Variants in GRIN2B observed in about 807,000 individuals in gnomAD.
GRIN2B encodes the protein glutamate ionotropic receptor NMDA type subunit 2B, also known as glutamate receptor ionotropic, NMDA 2B.
Under a neutral mutation model 114.5 loss-of-function variants are expected in GRIN2B, and 5 were observed. The observed-to-expected ratio is 0.04, with a 90% confidence interval of 0.02 to 0.09. GRIN2B has a LOEUF of 0.09. Ranked by LOEUF, GRIN2B falls within the 10% of genes least tolerant of loss-of-function variation. GRIN2B has a pLI of 1.00. For missense variants in GRIN2B, 1,108 were observed against 1,943.5 expected (o/e 0.57, Z 8.08); for synonymous variants, 787 against 745.1 (o/e 1.06, Z -0.92).
chr12:13,719,095 T>G (rs529992078), intron 4 of GRIN2B, among the ~76,000 whole-genome samples: 8 of 152,082 alleles, frequency 5.3e-5, no homozygotes, highest in African/African-American at 1.9e-4. Context: ...TCTCACTCAG[T>G]TAACTCATCA....
chr12:13,878,453 A>C (rs2136761872), intron 2 of GRIN2B, among the ~76,000 whole-genome samples: 1 of 152,278 alleles, frequency 6.6e-6, no homozygotes, highest in Non-Finnish European at 1.5e-5. Context: ...ATGCCAGTTC[A>C]TTTCTTGTGG....
rs199570238 is a variant in GRIN2B at position 13,562,918 on chromosome 12, G to T, written c.4320C>A (p.Ala1440=). The part of the protein sequence containing the change: ...VVSALHGAVP[A]RFQKDICIGN... ...CTATACAGATGTCCTTCTGGAAACG[G>T]GCTGGCACGGCCCCATGAAGGGCCG... The change falls in exon 14 of 14, where the codon GCC becomes GCA. Residue 1440 remains alanine (A), a synonymous_variant. Coordinates refer to ENST00000609686, the MANE Select transcript of GRIN2B (RefSeq NM_000834.5). The T allele has an allele frequency of 6.2e-7, 1 of 1,614,228 alleles. No individual in the cohort carries two copies. The highest frequency in any genetic ancestry group is 1.3e-5 in the African/African-American group (1 of 75,060).
At chr12:13,685,357 T>C (rs1950167563) in intron 4 of GRIN2B, among the ~76,000 whole-genome samples, 1 of 152,196 alleles carries the variant, frequency 6.6e-6, no homozygotes, top group South Asian at 2.1e-4. Flanking sequence ...GATGAGTTGG[T>C]GATGGCTTCA....
At chr12:13,873,272 C>T (rs1865941342) in intron 2 of GRIN2B, among the ~76,000 whole-genome samples, 1 of 152,180 alleles carries the variant, frequency 6.6e-6, no homozygotes, top group Admixed American at 6.5e-5. Context: ...TTAGCTTAGG[C>T]AATACATGCA....
At chr12:13,737,722 T>G (rs1316923692) in intron 4 of GRIN2B, among the ~76,000 whole-genome samples, 1 of 152,106 alleles carries the variant, frequency 6.6e-6, no homozygotes, top group Non-Finnish European at 1.5e-5. Context: ...ATGATAAAAA[T>G]TACCTAATAA....
At chr12:13,711,273 C>T (rs868361663) in intron 4 of GRIN2B, among the ~76,000 whole-genome samples, 17 of 151,826 alleles carry the variant, frequency 1.1e-4, no homozygotes, top group African/African-American at 4.1e-4. Flanking sequence ...ACCATAAAAA[C>T]CCTAGAAGAA....
chr12:13,803,463 C>T (rs921191596), intron 3 of GRIN2B, among the ~76,000 whole-genome samples: 2 of 152,182 alleles, frequency 1.3e-5, no homozygotes. Flanking sequence ...CTAGTCCAGA[C>T]AACTAGTACC....
chr12:13,865,221 A>G (rs1362200022), intron 3 of GRIN2B, among the ~76,000 whole-genome samples: 1 of 152,220 alleles, frequency 6.6e-6, no homozygotes, highest in African/African-American at 2.4e-5. Flanking sequence ...CCAGAGCTAC[A>G]AGCGTCAACA....
chr12:13,567,768 T>G (rs1948660030), intron 12 of GRIN2B, among the ~76,000 whole-genome samples: 1 of 152,020 alleles, frequency 6.6e-6, no homozygotes, highest in African/African-American at 2.4e-5. Context: ...CACACAAGGC[T>G]TGTTTAAGTA....
At chr12:13,734,450 T>C (rs1863146949) in intron 4 of GRIN2B, among the ~76,000 whole-genome samples, 2 of 152,176 alleles carry the variant, frequency 1.3e-5, no homozygotes, top group South Asian at 4.1e-4. Context: ...TATGTGCACA[T>C]AGCAAATGCT....
rs899662240 is a variant in GRIN2B at position 13,541,481 on chromosome 12, A to G, written c.*21302T>C. ...GATTCCGGGAGGTCAGAAAGCAAAG[A>G]GAGGTCATGACAAAACCATCCCTGG... On this transcript the variant is annotated 3_prime_UTR_variant, in exon 14 of 14. Transcript: ENST00000609686. The G allele has an allele frequency of 2.6e-5, 4 of 152,226 alleles. No individual in the cohort carries two copies. The highest frequency in any genetic ancestry group is 4.4e-5 in the Non-Finnish European group (3 of 68,062). 9.4% of individuals were successfully genotyped at this position (152,226 alleles called of 1,614,324 possible).
chr12:13,545,045 CCT>C lies in GRIN2B; in HGVS notation c.*17736_*17737del, dbSNP rs1248333054. On this transcript the variant is annotated 3_prime_UTR_variant, in exon 14 of 14. Coordinates refer to ENST00000609686, the MANE Select transcript of GRIN2B (RefSeq NM_000834.5). ...CCCTACCTGACTTGCGTTATTGCCCCCTCTCTGACCTCACCTCTCATACTCTC... is the reference window on the plus strand; with the variant it reads ...CCCTACCTGACTTGCGTTATTGCCCCCTCTGACCTCACCTCTCATACTCTC... The C allele has an allele frequency of 3.9e-5, 6 of 152,234 alleles. No individual in the cohort carries two copies. The highest frequency in any genetic ancestry group is 3.3e-4 in the Admixed American group (5 of 15,276). The allele number at this position is 152,234 out of a possible 1,614,324, so 9.4% of individuals were successfully genotyped here. A position where few individuals can be genotyped will look rare whatever the true frequency, so the allele number is the denominator to read the frequency against.
At chr12:13,900,799 C>T (rs1389586095) in intron 2 of GRIN2B, among the ~76,000 whole-genome samples, 1 of 152,028 alleles carries the variant, frequency 6.6e-6, no homozygotes, top group Non-Finnish European at 1.5e-5. Context: ...GTATTATTTC[C>T]CCTCTTGCTT....
chr12:13,911,645 T>A (rs781773597), intron 2 of GRIN2B, among the ~76,000 whole-genome samples: 2 of 152,126 alleles, frequency 1.3e-5, no homozygotes, highest in Non-Finnish European at 2.9e-5. Flanking sequence ...CGAATCATGA[T>A]CTAGACCTCG....
chr12:13,647,464 T>C (rs1483100170), intron 5 of GRIN2B, among the ~76,000 whole-genome samples: 1 of 152,128 alleles, frequency 6.6e-6, no homozygotes, highest in Non-Finnish European at 1.5e-5. Flanking sequence ...TCATTAACTT[T>C]CATTGTTGAC....
At chr12:13,932,758 A>T (rs1270107573) in intron 2 of GRIN2B, among the ~76,000 whole-genome samples, 1 of 152,190 alleles carries the variant, frequency 6.6e-6, no homozygotes, top group Non-Finnish European at 1.5e-5. Flanking sequence ...AGGTTGGGAG[A>T]ATCTTGATTT....
intron 12 of GRIN2B, 84 bp from the exon 13 acceptor site, chr12:13,567,347 C>G: frequency 1.1e-6 from 1 of 872,248 alleles, no homozygotes; most frequent in South Asian, 1.4e-5. Context: ...GAGTATTGAG[C>G]AAGAAAGAGA....
At chr12:13,659,669 T>C (rs540010074) in intron 5 of GRIN2B, among the ~76,000 whole-genome samples, 49 of 152,286 alleles carry the variant, frequency 3.2e-4, no homozygotes, top group South Asian at 1.0e-3. Context: ...AATATTGTAC[T>C]TCACCTGTTA....
chr12:13,961,868 T>A (rs17221245), intron 2 of GRIN2B, among the ~76,000 whole-genome samples: 5 of 151,876 alleles, frequency 3.3e-5, no homozygotes, highest in African/African-American at 1.2e-4. Context: ...CTCAGGCACA[T>A]ATGAGACAAA....
Sources: allele counts gnomAD v4.1 joint callset (sites outside exome capture counted in the v4.1 genomes callset), GRCh38; gene constraint gnomAD v4.1.1; transcripts MANE v1.5; gene names NCBI Gene and HGNC (gene_info 2026-07-23, HGNC 2026-07-21).